FAM120AOS: variants seen among roughly 807,000 people sequenced by gnomAD.
FAM120AOS encodes the protein uncharacterized protein FAM120AOS.
In FAM120AOS, 15 loss-of-function variants were observed where a neutral mutation model predicts 20.2. The observed-to-expected ratio is 0.74, with a 90% CI of 0.50 to 1.15. FAM120AOS has a LOEUF of 1.15. Ranked by LOEUF, FAM120AOS falls within the 50% of genes most tolerant of loss-of-function variation. The pLI, the probability that FAM120AOS is intolerant of heterozygous loss-of-function variation, is 0.00. For missense variants in FAM120AOS, 327 were observed against 351.9 expected, an observed-to-expected ratio of 0.93 and a Z score of 0.57; for synonymous variants, 154 against 154.0, an observed-to-expected ratio of 1.00 and a Z score of 0.00.
At chr9:93,448,612 GT>G (rs1314601039) in intron 2 of FAM120AOS, 1 of 152,438 alleles carries the variant, frequency 6.6e-6, no homozygotes, top group Non-Finnish European at 1.5e-5. Flanking sequence ...AAATACAGAT[GT>G]TTATTTTTTA....
chr9:93,452,994 G>A lies in FAM120AOS; in HGVS notation c.-285C>T, dbSNP rs919533012. The A allele has an allele frequency of 1.6e-6, 2 of 1,276,088 alleles. No homozygotes were observed. Among genetic ancestry groups the A allele is most frequent in the Non-Finnish European group, 2.0e-6 (2 of 1,010,494 alleles). 79.0% of individuals were successfully genotyped at this position (1,276,088 alleles called of 1,614,324 possible). The stretch of plus-strand genomic sequence containing the variant: ...CCTGTCCGTGTTCCTCTTAGTACAG[G>A]GTGTTTAGAGAATCTTTCTATGGCT... On this transcript the variant is annotated 5_prime_UTR_variant, in exon 1 of 3. Coordinates refer to ENST00000375412, the MANE Select transcript of FAM120AOS (RefSeq NM_198841.4). The surrounding 1 kb of genome is among the most constrained non-coding windows in gnomAD (Gnocchi z 7.0).
chr9:93,451,269 C>T (rs1247081169), intron 1 of FAM120AOS: 4 of 1,486,596 alleles, frequency 2.7e-6, no homozygotes, highest in African/African-American at 2.8e-5. Context: ...GGCCTCGGCT[C>T]CCCTTCAAAG....
chr9:93,453,004 G>A lies in FAM120AOS; in HGVS notation c.-295C>T. 8.0e-7 allele frequency: 1 copy of A among 1,247,630 alleles called. No individual in the cohort carries two copies. The highest frequency in any genetic ancestry group is 1.0e-6 in the Non-Finnish European group (1 of 993,082). The allele number at this position is 1,247,630 out of a possible 1,614,324, so 77.3% of individuals were successfully genotyped here. On this transcript the variant is annotated 5_prime_UTR_variant, in exon 1 of 3. Coordinates refer to ENST00000375412, the MANE Select transcript of FAM120AOS (RefSeq NM_198841.4). ...TTCCTCTTAGTACAGGGTGTTTAGA[G>A]AATCTTTCTATGGCTTTTTGTGTTA...
At chr9:93,448,594 T>C (rs1856944028) in intron 2 of FAM120AOS, 1 of 153,086 alleles carries the variant, frequency 6.5e-6, no homozygotes, top group Admixed American at 6.5e-5. Flanking sequence ...AACTTTTTAT[T>C]AAATTTTAAA....
In FAM120AOS at chr9:93,445,339, C is replaced by A. The variant is rs137906888; in HGVS notation, c.*2272G>T. On this transcript the variant is annotated 3_prime_UTR_variant, in exon 3 of 3. Transcript: ENST00000375412. ...TTGGTGAGATCGTCAATCCAGGAAC[C>A]TGTTTCCCCATATTAAAGTCAAAGG... Among the ~76,000 whole-genome samples the A allele has an allele frequency of 9.3e-4, 141 of 152,214 alleles. 1 individual carries two copies. The highest frequency in any genetic ancestry group is 3.4e-3 in the Middle Eastern group (1 of 294).
Position 93,452,019 on chromosome 9 carries a change from G to C in FAM120AOS, c.563+128C>G, listed in dbSNP as rs1857252721. ...GCCCGGGGCAGCCTGGTGGGCGGCG[G>C]GCGGCAGCGGCCCCCGCAGACCCCG... On this transcript the variant is annotated intron_variant, in intron 1 of 2. Coordinates refer to ENST00000375412, the MANE Select transcript of FAM120AOS (RefSeq NM_198841.4). This position sits in a 1 kb window ranked among gnomAD's most constrained non-coding sequence, Gnocchi z 7.0. The C allele has an allele frequency of 1.3e-6, 2 of 1,558,780 alleles. No individual in the cohort carries two copies. Among genetic ancestry groups the C allele is most frequent in the South Asian group, 2.3e-5 (2 of 85,804 alleles).
Position 93,452,876 on chromosome 9 carries a change from C to T in FAM120AOS, c.-167G>A. 3 of 1,454,502 alleles carry T rather than the reference C, an allele frequency of 2.1e-6. No homozygotes were observed. Among genetic ancestry groups the T allele is most frequent in the South Asian group, 1.4e-5 (1 of 70,108 alleles). 90.1% of individuals were successfully genotyped at this position (1,454,502 alleles called of 1,614,324 possible). ...CCCTTGGGGGCTGCAAATATCAGTGCTGCTGCCGCCGCCCTTGCCAATGTT... is the reference window on the plus strand; with the variant it reads ...CCCTTGGGGGCTGCAAATATCAGTGTTGCTGCCGCCGCCCTTGCCAATGTT... On this transcript the variant is annotated 5_prime_UTR_variant, in exon 1 of 3. Coordinates refer to ENST00000375412, the MANE Select transcript of FAM120AOS (RefSeq NM_198841.4). The surrounding 1 kb of genome is among the most constrained non-coding windows in gnomAD (Gnocchi z 7.0).
At position 93,452,015 on chromosome 9, in the gene FAM120AOS, G is replaced by T; in HGVS notation, c.563+132C>A. 6.4e-7 allele frequency: 1 copy of T among 1,556,810 alleles called. No homozygotes were observed. Among genetic ancestry groups the T allele is most frequent in the Non-Finnish European group, 8.7e-7 (1 of 1,151,652 alleles). On this transcript the variant is annotated intron_variant, in intron 1 of 2. Transcript: ENST00000375412. The surrounding 1 kb of genome is among the most constrained non-coding windows in gnomAD (Gnocchi z 7.0). ...GCTGGCCCGGGGCAGCCTGGTGGGC[G>T]GCGGGCGGCAGCGGCCCCCGCAGAC...
intron 1 of FAM120AOS, 128 bp from the exon 2 acceptor site, chr9:93,450,727 G>A (rs781358857): frequency 2.9e-6 from 4 of 1,398,744 alleles, no homozygotes; most frequent in South Asian, 1.2e-5. Context: ...TTTTATGCAA[G>A]CCTAATATAC....
Position 93,452,910 on chromosome 9 carries a change from G to T in FAM120AOS, c.-201C>A. ...CCGCCCTTGCCAATGTTGTTAGCCC[G>T]GTGACAGCGAGACGTGTCTAAGGGC... On this transcript the variant is annotated 5_prime_UTR_variant, in exon 1 of 3. Transcript: ENST00000375412. The surrounding 1 kb of genome is among the most constrained non-coding windows in gnomAD (Gnocchi z 7.0). 1 of 1,432,562 alleles carries T rather than the reference G, an allele frequency of 7.0e-7. No homozygotes were observed. Among genetic ancestry groups the T allele is most frequent in the Non-Finnish European group, 9.1e-7 (1 of 1,100,954 alleles). 88.7% of individuals were successfully genotyped at this position (1,432,562 alleles called of 1,614,324 possible). A position where few individuals can be genotyped will look rare whatever the true frequency, so the allele number is the denominator to read the frequency against.
intron 2 of FAM120AOS, among the ~76,000 whole-genome samples, chr9:93,449,059 G>GT (rs141231806): frequency 0.033 from 4,640 of 142,544 alleles, 212 homozygotes; most frequent in African/African-American, 0.1. Context: ...AATAAATAAA[G>GT]TTTTTTTTTT....
At position 93,450,535 on chromosome 9, in the gene FAM120AOS, A is replaced by C; in HGVS notation, c.628T>G (p.Trp210Gly). ...GCCAAACCGTGCGCGTGCAGGCTCC[A>C]TGTGCTGGGCAGCAGCTGTCCGGCC... is the stretch of plus-strand genomic sequence containing the variant. Reference protein sequence around the residue: ...AVAGQLLPSTWSLHAHGLAKE... With the variant: ...AVAGQLLPSTGSLHAHGLAKE... The change falls in exon 2 of 3, where the codon TGG (tryptophan) becomes GGG (glycine). Residue 210 changes from tryptophan to glycine, a missense_variant. Coordinates refer to ENST00000375412, the MANE Select transcript of FAM120AOS (RefSeq NM_198841.4). 3.7e-6 allele frequency: 6 copies of C among 1,606,250 alleles called. No individual in the cohort carries two copies. The highest frequency in any genetic ancestry group is 4.3e-6 in the Non-Finnish European group (5 of 1,176,046).
In FAM120AOS at chr9:93,443,646, G is replaced by C. The variant is rs908401115; in HGVS notation, c.*3965C>G. ...CAGGTCCTGCGTTGCCTTCTGTTTG[G>C]TGGTGGTGGTCCGAGTGTCAGTTCA... On this transcript the variant is annotated 3_prime_UTR_variant, in exon 3 of 3. Coordinates refer to ENST00000375412, the MANE Select transcript of FAM120AOS (RefSeq NM_198841.4). Among the ~76,000 whole-genome samples, 5 of 152,182 alleles carry C rather than the reference G, an allele frequency of 3.3e-5. No homozygotes were observed. Among genetic ancestry groups the C allele is most frequent in the African/African-American group, 1.2e-4 (5 of 41,450 alleles).
In FAM120AOS at chr9:93,452,113, C is replaced by G; in HGVS notation, c.563+34G>C. On this transcript the variant is annotated intron_variant, in intron 1 of 2. Transcript: ENST00000375412. This position sits in a 1 kb window ranked among gnomAD's most constrained non-coding sequence, Gnocchi z 7.0. ...ACGGCGGCTTCTACACCGACTGGGT[C>G]AGCGGCGGCCAGTGGAACCACATGC... 6.2e-7 allele frequency: 1 copy of G among 1,610,350 alleles called. No homozygotes were observed. Among genetic ancestry groups the G allele is most frequent in the Non-Finnish European group, 8.5e-7 (1 of 1,179,398 alleles).
chr9:93,449,265 C>G (rs915506025), intron 2 of FAM120AOS, among the ~76,000 whole-genome samples: 1 of 152,068 alleles, frequency 6.6e-6, no homozygotes, highest in Non-Finnish European at 1.5e-5. Context: ...GTGGCAGGCA[C>G]ACAGGTTATC....
At chr9:93,450,664 T>C in intron 1 of FAM120AOS, 65 bp from the exon 2 acceptor site, 1 of 1,594,024 alleles carries the variant, frequency 6.3e-7, no homozygotes, top group Admixed American at 1.8e-5. Context: ...ACTTTTAGAG[T>C]GCTGGGTTTC....
rs1487710861 is a variant in FAM120AOS at position 93,451,064 on chromosome 9, G to A, written c.564-465C>T. 2.6e-6 allele frequency: 4 copies of A among 1,550,616 alleles called. No individual in the cohort carries two copies. The East Asian group carries it at 7.3e-5, about 28-fold the overall frequency. ...ATAGGTGTAAAAACCACAACCGAGA[G>A]CCCGAAGCTGCTGGGATGAGCACCT... On this transcript the variant is annotated intron_variant, in intron 1 of 2. Transcript: ENST00000375412.
Position 93,453,191 on chromosome 9 carries a change from A to T in FAM120AOS, c.-482T>A. On this transcript the variant is annotated 5_prime_UTR_variant, in exon 1 of 3. Transcript: ENST00000375412. Reference sequence around the variant, plus strand: ...AACTACGCGGGCGTGAACTCGCAGGATTTATTTTTCGGGTGCACAGTAAGT... The same window carrying T: ...AACTACGCGGGCGTGAACTCGCAGGTTTTATTTTTCGGGTGCACAGTAAGT... 1 of 1,002,340 alleles carries T rather than the reference A, an allele frequency of 1.0e-6. No homozygotes were observed. The highest frequency in any genetic ancestry group is 1.2e-6 in the Non-Finnish European group (1 of 841,554). The allele number at this position is 1,002,340 out of a possible 1,614,324, so 62.1% of individuals were successfully genotyped here. A position where few individuals can be genotyped will look rare whatever the true frequency, so the allele number is the denominator to read the frequency against.
chr9:93,449,010 T>G (rs1856970710), intron 2 of FAM120AOS, among the ~76,000 whole-genome samples: 1 of 152,178 alleles, frequency 6.6e-6, no homozygotes, highest in South Asian at 2.1e-4. Context: ...ATATAAGTGT[T>G]TGTCAGCTAA....
Sources: allele counts gnomAD v4.1 joint callset (sites outside exome capture counted in the v4.1 genomes callset), GRCh38; gene constraint gnomAD v4.1.1; non-coding constraint Gnocchi (gnomAD v3.1); transcripts MANE v1.5; gene names NCBI Gene and HGNC (gene_info 2026-07-23, HGNC 2026-07-21).